The following PTPRM variants were observed in gnomAD, a reference collection of about 807,000 sequenced individuals.
The protein encoded by PTPRM is receptor-type tyrosine-protein phosphatase mu.
A neutral mutation model predicts 186.7 loss-of-function variants in PTPRM; 47 were observed. The ratio of observed to expected loss-of-function variants is 0.25; its 90% CI spans 0.20 to 0.32. The LOEUF (loss-of-function observed/expected upper bound fraction) is 0.32, where lower values mean the gene tolerates loss of function less well. Ranked by LOEUF, PTPRM falls within the 10% of genes least tolerant of loss-of-function variation. The pLI is 1.00. For missense variants in PTPRM, 1,494 were observed against 1,865.0 expected (o/e 0.80, Z 3.66); for synonymous variants, 668 against 674.9 (o/e 0.99, Z 0.16).
intron 8 of PTPRM, among the ~76,000 whole-genome samples, chr18:8,074,208 A>G (rs1003101670): frequency 3.3e-5 from 5 of 152,304 alleles, no homozygotes; most frequent in African/African-American, 7.2e-5. Context: ...AGTCTTAGCA[A>G]TCATTAAAAA....
intron 1 of PTPRM, among the ~76,000 whole-genome samples, chr18:7,661,622 A>G (rs1161723120): frequency 3.3e-5 from 5 of 152,256 alleles, no homozygotes; most frequent in Admixed American, 2.6e-4. Context: ...GATAAAAACC[A>G]TCCAGGGGGA....
At chr18:7,602,607 T>G (rs1301399643) in intron 1 of PTPRM, among the ~76,000 whole-genome samples, 2 of 152,002 alleles carry the variant, frequency 1.3e-5, no homozygotes, top group Admixed American at 6.5e-5. Context: ...TTTTATTTTT[T>G]GTAGGCTTGG....
rs190414741 is a variant in PTPRM at position 7,620,369 on chromosome 18, A to T, written c.73+52478A>T. On this transcript the variant is annotated intron_variant, in intron 1 of 32. Transcript: ENST00000580170. ...ATTCTCAATTTTATGCTAACCAAACATGGAAAGCAGCTTCTGTTCTTCCAT... is the reference window on the plus strand; with the variant it reads ...ATTCTCAATTTTATGCTAACCAAACTTGGAAAGCAGCTTCTGTTCTTCCAT... Among the ~76,000 whole-genome samples the T allele has an allele frequency of 3.3e-5, 5 of 152,154 alleles. No homozygotes were observed. The East Asian group carries it at 9.7e-4, about 29-fold the overall frequency.
intron 2 of PTPRM, among the ~76,000 whole-genome samples, chr18:7,849,941 G>GTAACA (rs1045759685): frequency 1.2e-4 from 18 of 152,180 alleles, no homozygotes; most frequent in Non-Finnish European, 1.8e-4. Context: ...ACATGTATTT[G>GTAACA]TAACATGTTA....
At chr18:7,709,799 T>G (rs1276969280) in intron 1 of PTPRM, among the ~76,000 whole-genome samples, 3 of 152,028 alleles carry the variant, frequency 2.0e-5, no homozygotes, top group African/African-American at 7.2e-5. Context: ...CTATAAAATC[T>G]AGAGGAGGTG....
rs2095013036 is a variant in PTPRM, at chr18:8,289,565, T to TATATATAC, written c.2755-6796_2755-6795insCATATATA. ...ATATATATATACATATATATACACA[T>TATATATAC]ATATATATATACATATATATATACA... On this transcript the variant is annotated intron_variant, in intron 19 of 32. Coordinates refer to ENST00000580170, the MANE Select transcript of PTPRM (RefSeq NM_001105244.2). 7.2e-5 allele frequency among the ~76,000 whole-genome samples: 7 copies of TATATATAC among 96,608 alleles called. No individual in the cohort carries two copies. The East Asian group carries it at 9.8e-4, about 14-fold the overall frequency. 63.4% of individuals were successfully genotyped at this position (96,608 alleles called of 152,430 possible).
chr18:8,163,348 A>G (rs547458204), intron 14 of PTPRM, among the ~76,000 whole-genome samples: 15 of 152,054 alleles, frequency 9.9e-5, no homozygotes, highest in African/African-American at 3.1e-4. Flanking sequence ...ATTTTGCCTG[A>G]CTCTAGATTA....
chr18:8,047,662 C>T (rs762478824), intron 7 of PTPRM, among the ~76,000 whole-genome samples: 1 of 152,030 alleles, frequency 6.6e-6, no homozygotes, highest in Non-Finnish European at 1.5e-5. Flanking sequence ...ACCTTACCCT[C>T]ATCCCCAATA....
intron 1 of PTPRM, among the ~76,000 whole-genome samples, chr18:7,748,628 C>T (rs1228587215): frequency 6.6e-6 from 1 of 152,200 alleles, no homozygotes; most frequent in Non-Finnish European, 1.5e-5. Context: ...CCTTATTTAA[C>T]CCACTGACAT....
chr18:7,843,690 AG>A (rs576720301), intron 2 of PTPRM, among the ~76,000 whole-genome samples: 32 of 152,242 alleles, frequency 2.1e-4, no homozygotes, highest in African/African-American at 7.2e-4. Flanking sequence ...TAGTATTTTG[AG>A]GCACTATATA....
intron 1 of PTPRM, among the ~76,000 whole-genome samples, chr18:7,624,613 C>T (rs1455045504): frequency 6.6e-6 from 1 of 151,976 alleles, no homozygotes; most frequent in African/African-American, 2.4e-5. Flanking sequence ...GTAGCTGGGA[C>T]TGTAGGTGCG....
At chr18:7,579,513 G>C (rs768190419) in intron 1 of PTPRM, among the ~76,000 whole-genome samples, 29 of 152,200 alleles carry the variant, frequency 1.9e-4, no homozygotes, top group Admixed American at 3.3e-4. Flanking sequence ...ATAAAGCAGA[G>C]GCTTTTCAGC....
chr18:7,772,407 C>CTTTTCT (rs1239694880), intron 1 of PTPRM, among the ~76,000 whole-genome samples: 12 of 102,440 alleles, frequency 1.2e-4, no homozygotes, highest in African/African-American at 4.3e-4. Context: ...TTCTTTCTTT[C>CTTTTCT]TTTCTTTTCT....
chr18:7,746,443 T>C (rs899731293), intron 1 of PTPRM, among the ~76,000 whole-genome samples: 6 of 152,142 alleles, frequency 3.9e-5, no homozygotes, highest in African/African-American at 1.4e-4. Flanking sequence ...TATGTAAATT[T>C]TTGTCAACCT....
At chr18:7,688,881 G>T (rs2039670552) in intron 1 of PTPRM, among the ~76,000 whole-genome samples, 1 of 152,144 alleles carries the variant, frequency 6.6e-6, no homozygotes, top group South Asian at 2.1e-4. Flanking sequence ...TGGTGGCTTG[G>T]GTGGCTTCTT....
chr18:8,389,128 G>A lies in PTPRM; in HGVS notation c.4208+1893G>A, dbSNP rs983790706. ...GCAAAGAATATTAACATTGTAGTTC[G>A]TTTGTATTAGATATATCAGATTTTT... On this transcript the variant is annotated intron_variant, in intron 31 of 32. Coordinates refer to ENST00000580170, the MANE Select transcript of PTPRM (RefSeq NM_001105244.2). Among the ~76,000 whole-genome samples the A allele has an allele frequency of 5.3e-5, 8 of 152,136 alleles. 1 individual carries two copies. Among genetic ancestry groups the A allele is most frequent in the African/African-American group, 1.2e-4 (5 of 41,424 alleles).
At chr18:7,953,329 T>C (rs1358961780) in intron 6 of PTPRM, among the ~76,000 whole-genome samples, 1 of 152,168 alleles carries the variant, frequency 6.6e-6, no homozygotes, top group Non-Finnish European at 1.5e-5. Flanking sequence ...CGAAAGTAAT[T>C]AACTGCTCTT....
chr18:7,965,488 T>C (rs1335792393), intron 7 of PTPRM, among the ~76,000 whole-genome samples: 2 of 152,162 alleles, frequency 1.3e-5, no homozygotes, highest in Non-Finnish European at 2.9e-5. Context: ...TGAACCCTTA[T>C]TGAGTGAGAT....
rs764757253 is a variant in PTPRM, at chr18:8,370,929, T to C, written c.3094T>C (p.Tyr1032His). 6 of 1,606,042 alleles carry C rather than the reference T, an allele frequency of 3.7e-6. No individual in the cohort carries two copies. The highest frequency in any genetic ancestry group is 5.1e-6 in the Non-Finnish European group (6 of 1,173,718). The part of the protein sequence containing the change: ...CKYWPDDTEI[Y>H]KDIKVTLIET... The stretch of plus-strand genomic sequence containing the variant: ...ATACTGGCCAGATGACACAGAGATA[T>C]ATAAAGACATTAAAGTTACCCTAAT... The change falls in exon 24 of 33, where the codon TAT becomes CAT. Residue 1032 changes from tyrosine (Y) to histidine (H), a missense_variant. Around this residue, in one of 3 missense-constraint regions of PTPRM, gnomAD observed 1,107 missense variants for 1,350.2 expected, o/e 0.82. Transcript: ENST00000580170.
Sources: gnomAD v4.1 joint callset for allele counts (sites outside exome capture counted in the v4.1 genomes callset) on GRCh38, gnomAD v4.1.1 for gene constraint, gnomAD v4.1.1 regional missense constraint, MANE v1.5 for transcripts, NCBI Gene and HGNC (gene_info 2026-07-23, HGNC 2026-07-21) for gene names.